Variants in OR8J1 observed in about 807,000 individuals in gnomAD.
OR8J1 encodes the protein olfactory receptor 8J1.
For synonymous variants in OR8J1, 157 were observed against 144.3 expected, an observed-to-expected ratio of 1.09 and a Z score of -0.63; for missense variants, 400 against 373.0, an observed-to-expected ratio of 1.07 and a Z score of -0.60.
intron 1 of OR8J1, among the ~76,000 whole-genome samples, chr11:56,359,933 GT>G (rs1852611578): frequency 6.6e-6 from 1 of 152,142 alleles, no homozygotes; most frequent in Admixed American, 6.5e-5. Flanking sequence ...GGCTTCAAAT[GT>G]TTGCAAACTA....
chr11:56,360,181 G>A (rs7952410), intron 1 of OR8J1, 46 bp from the exon 2 acceptor site: 97,163 of 1,322,826 alleles, frequency 0.073, 4,056 homozygotes, highest in Non-Finnish European at 0.082. Flanking sequence ...GGGCAGTCCT[G>A]CAAATAATTC....
chr11:56,357,594 G>T, intron 1 of OR8J1: 1 of 1,159,082 alleles, frequency 8.6e-7, no homozygotes, highest in Non-Finnish European at 1.3e-6. Context: ...TGTGAAGGTT[G>T]GCCTGACAAA....
chr11:56,354,650 T>A (rs1386440357), intron 1 of OR8J1, among the ~76,000 whole-genome samples: 3 of 152,190 alleles, frequency 2.0e-5, no homozygotes, highest in Non-Finnish European at 4.4e-5. Flanking sequence ...ATTGCAATAT[T>A]ATTTACAATA....
intron 1 of OR8J1, 49 bp downstream of exon 1, chr11:56,354,374 T>C (rs1353845586): frequency 2.0e-5 from 3 of 152,190 alleles, no homozygotes; most frequent in African/African-American, 7.2e-5. Flanking sequence ...CATAATGACC[T>C]TTTAAAGATC....
Position 56,361,484 on chromosome 11 carries a change from TAA to T in OR8J1, c.*293_*294del, listed in dbSNP as rs1206447705. On this transcript the variant is annotated 3_prime_UTR_variant, in exon 2 of 2. Coordinates refer to ENST00000533152, the MANE Select transcript of OR8J1 (RefSeq NM_001005205.3). ...GTTTCCAGCAGTTAGAAAAAAAAATTAAAAAAAGTTAAATAAGTTTGAATGAG... is the reference window on the plus strand; with the variant it reads ...GTTTCCAGCAGTTAGAAAAAAAAATTAAAAAGTTAAATAAGTTTGAATGAG... The T allele has an allele frequency of 6.9e-6, 2 of 290,344 alleles. No homozygotes were observed. The highest frequency in any genetic ancestry group is 3.3e-4 in the South Asian group (2 of 6,120). The allele number at this position is 290,344 out of a possible 1,614,324, so 18.0% of individuals were successfully genotyped here. A position where few individuals can be genotyped will look rare whatever the true frequency, so the allele number is the denominator to read the frequency against.
chr11:56,358,733 C>T (rs1407086029), intron 1 of OR8J1, among the ~76,000 whole-genome samples: 1 of 151,948 alleles, frequency 6.6e-6, no homozygotes, highest in African/African-American at 2.4e-5. Context: ...CATTTCTTTA[C>T]CAGATTTTTG....
Position 56,360,978 on chromosome 11 carries a change from T to C in OR8J1, c.732T>C (p.His244=), listed in dbSNP as rs1436427554. ...RKKAFSTCAS[H]MMAVTIFYGT... is the part of the protein sequence containing the mutation. ...AAGCCTTTTCTACCTGTGCTTCACATATGATGGCAGTCACAATTTTTTATG... is the reference window on the plus strand; with the variant it reads ...AAGCCTTTTCTACCTGTGCTTCACACATGATGGCAGTCACAATTTTTTATG... The change falls in exon 2 of 2, where the codon CAT becomes CAC. Residue 244 remains histidine, a synonymous_variant. Transcript: ENST00000533152. The C allele has an allele frequency of 1.0e-5, 15 of 1,478,320 alleles. No individual in the cohort carries two copies. Among genetic ancestry groups the C allele is most frequent in the Non-Finnish European group, 1.3e-5 (15 of 1,119,070 alleles). 91.6% of individuals were successfully genotyped at this position (1,478,320 alleles called of 1,614,324 possible). A position where few individuals can be genotyped will look rare whatever the true frequency, so the allele number is the denominator to read the frequency against.
chr11:56,357,349 A>C, intron 1 of OR8J1: 1 of 662,220 alleles, frequency 1.5e-6, no homozygotes. Flanking sequence ...TGTTAAGAGT[A>C]AGGCCTACTT....
At chr11:56,359,726 T>C (rs972989703) in intron 1 of OR8J1, among the ~76,000 whole-genome samples, 4 of 152,036 alleles carry the variant, frequency 2.6e-5, no homozygotes, top group Admixed American at 2.6e-4. Flanking sequence ...GATGGTAAAA[T>C]GTATGAGTTA....
chr11:56,358,767 T>C (rs1852595963), intron 1 of OR8J1, among the ~76,000 whole-genome samples: 1 of 152,146 alleles, frequency 6.6e-6, no homozygotes, highest in Non-Finnish European at 1.5e-5. Context: ...ATTGGAATAG[T>C]AGGTCCATAA....
Position 56,361,011 on chromosome 11 carries a change from G to T in OR8J1, c.765G>T (p.Leu255Phe). 1.3e-6 allele frequency: 2 copies of T among 1,494,492 alleles called. No individual in the cohort carries two copies. Among genetic ancestry groups the T allele is most frequent in the South Asian group, 1.5e-5 (1 of 67,980 alleles). The allele number at this position is 1,494,492 out of a possible 1,614,324, so 92.6% of individuals were successfully genotyped here. ...MMAVTIFYGTLLFMYVQPRSN... is the reference protein window; with the variant it reads ...MMAVTIFYGTFLFMYVQPRSN... ...CAGTCACAATTTTTTATGGGACATT[G>T]CTATTCATGTATGTGCAGCCCCGAA... Residue 255 changes from leucine to phenylalanine, a missense_variant, in exon 2 of 2, where the codon TTG becomes TTT. By Grantham distance (22) the Leu-to-Phe change is conservative (BLOSUM62 0). Coordinates refer to ENST00000533152, the MANE Select transcript of OR8J1 (RefSeq NM_001005205.3).
At chr11:56,357,106 C>T (rs1487732127) in intron 1 of OR8J1, among the ~76,000 whole-genome samples, 2 of 152,110 alleles carry the variant, frequency 1.3e-5, no homozygotes, top group African/African-American at 4.8e-5. Context: ...CCATATCAAC[C>T]TCTAAACTCA....
Position 56,360,286 on chromosome 11 carries a change from C to A in OR8J1, c.40C>A (p.Leu14Ile). ...ENFTRVTEFI[L>I]TGVSSCPELQ... ...TTTCACCAGAGTCACTGAGTTTATT[C>A]TTACAGGTGTCTCTAGCTGTCCAGA... The change falls in exon 2 of 2, where the codon CTT (leucine) becomes ATT (isoleucine). Residue 14 changes from leucine to isoleucine, a missense_variant. Physicochemically the swap from Leu to Ile is conservative, Grantham distance 5. Transcript: ENST00000533152. The A allele has an allele frequency of 6.3e-7, 1 of 1,597,026 alleles. No homozygotes were observed. Among genetic ancestry groups the A allele is most frequent in the Non-Finnish European group, 8.5e-7 (1 of 1,174,692 alleles).
At chr11:56,359,702 A>G (rs1326454151) in intron 1 of OR8J1, among the ~76,000 whole-genome samples, 1 of 152,134 alleles carries the variant, frequency 6.6e-6, no homozygotes, top group African/African-American at 2.4e-5. Context: ...AGAGAGAAAA[A>G]GCAAACAGAC....
chr11:56,356,553 C>A (rs1854971359), intron 1 of OR8J1, among the ~76,000 whole-genome samples: 1 of 151,954 alleles, frequency 6.6e-6, no homozygotes, highest in Non-Finnish European at 1.5e-5. Context: ...AAGAAAAGGG[C>A]ATGGGAGGGG....
rs868123171 is a variant in OR8J1, at chr11:56,361,109, C to T, written c.863C>T (p.Pro288Leu). The change falls in exon 2 of 2, where the codon CCC becomes CTC. Residue 288 changes from proline to leucine, a missense_variant. Physicochemically the swap from Pro to Leu is moderately conservative, Grantham distance 98. Coordinates refer to ENST00000533152, the MANE Select transcript of OR8J1 (RefSeq NM_001005205.3). ...ACGTTGGTAATTCCTATGCTGAATCCCTTGATCTACAGCCTGAGGAATAAG... is the reference window on the plus strand; with the variant it reads ...ACGTTGGTAATTCCTATGCTGAATCTCTTGATCTACAGCCTGAGGAATAAG... ...FYTLVIPMLN[P>L]LIYSLRNKDV... 2.0e-6 allele frequency: 3 copies of T among 1,503,232 alleles called. No individual in the cohort carries two copies. The highest frequency in any genetic ancestry group is 2.6e-6 in the Non-Finnish European group (3 of 1,133,546). The allele number at this position is 1,503,232 out of a possible 1,614,324, so 93.1% of individuals were successfully genotyped here.
Position 56,360,073 on chromosome 11 carries a change from A to C in OR8J1, c.-20-154A>C, listed in dbSNP as rs1344295960. 4 of 479,428 alleles carry C rather than the reference A, an allele frequency of 8.3e-6. No homozygotes were observed. In the Middle Eastern group the frequency reaches 1.6e-3, roughly 188 times the overall value. 29.7% of individuals were successfully genotyped at this position (479,428 alleles called of 1,614,324 possible). A position where few individuals can be genotyped will look rare whatever the true frequency, so the allele number is the denominator to read the frequency against. On this transcript the variant is annotated intron_variant, in intron 1 of 1. Coordinates refer to ENST00000533152, the MANE Select transcript of OR8J1 (RefSeq NM_001005205.3). The stretch of plus-strand genomic sequence containing the variant: ...CTTTCTGTCTCTGAAATAATTACCA[A>C]GTTTACTTATTAGACCTAGAAGCTT...
intron 1 of OR8J1, among the ~76,000 whole-genome samples, chr11:56,355,359 G>A (rs532203422): frequency 6.6e-6 from 1 of 152,144 alleles, no homozygotes; most frequent in Admixed American, 6.5e-5. Flanking sequence ...TCAAGGACCA[G>A]GCATGCTGGC....
chr11:56,361,042 C>A lies in OR8J1; in HGVS notation c.796C>A (p.His266Asn). 4 of 1,500,760 alleles carry A rather than the reference C, an allele frequency of 2.7e-6. No individual in the cohort carries two copies. The highest frequency in any genetic ancestry group is 3.5e-6 in the Non-Finnish European group (4 of 1,133,520). 93.0% of individuals were successfully genotyped at this position (1,500,760 alleles called of 1,614,324 possible). The change falls in exon 2 of 2, where the codon CAT becomes AAT. Residue 266 changes from histidine to asparagine, a missense_variant. Coordinates refer to ENST00000533152, the MANE Select transcript of OR8J1 (RefSeq NM_001005205.3). ...LFMYVQPRSN[H>N]SLDTDDKMAS... ...CATGTATGTGCAGCCCCGAAGTAAC[C>A]ATTCACTGGATACTGATGATAAGAT...
Sources: allele counts gnomAD v4.1 joint callset (sites outside exome capture counted in the v4.1 genomes callset), GRCh38; gene constraint gnomAD v4.1.1; transcripts MANE v1.5; gene names NCBI Gene and HGNC (gene_info 2026-07-23, HGNC 2026-07-21).